Variants in CTU1 observed in about 807,000 individuals in gnomAD.
The protein encoded by CTU1 is cytosolic thiouridylase subunit 1, also known as cytoplasmic tRNA 2-thiolation protein 1.
A neutral mutation model predicts 12.9 loss-of-function variants in CTU1; 15 were observed. That is an observed-to-expected ratio of 1.16 (90% confidence interval 0.78 to 1.79). The LOEUF (loss-of-function observed/expected upper bound fraction) is 1.79. Among genes scored for constraint, CTU1 ranks in the 40% most tolerant of loss-of-function variants. The probability of loss-of-function intolerance (pLI) is 0.00; values close to 1 mark genes in which losing one functional copy is unlikely to be tolerated. For synonymous variants in CTU1, 295 were observed against 275.6 expected (o/e 1.07, Z -0.70); for missense variants, 553 against 550.5 (o/e 1.00, Z -0.05).
Position 51,098,975 on chromosome 19 carries a change from C to T in CTU1, c.673G>A (p.Ala225Thr). The change falls in exon 3 of 3, where the codon GCG becomes ACG. Residue 225 changes from alanine to threonine, a missense_variant. Transcript: ENST00000421832. The surrounding 1 kb of genome is among the most constrained non-coding windows in gnomAD (Gnocchi z 4.3). ...FASQKEVVLY[A>T]HFRRLDYFSE... Reference sequence around the variant, plus strand: ...AAGTAGTCGAGGCGGCGGAAGTGCGCGTACAGCACCACCTCCTTCTGCGAG... The same window carrying T: ...AAGTAGTCGAGGCGGCGGAAGTGCGTGTACAGCACCACCTCCTTCTGCGAG... The T allele has an allele frequency of 1.9e-6, 3 of 1,543,894 alleles. No homozygotes were observed. The highest frequency in any genetic ancestry group is 2.6e-6 in the Non-Finnish European group (3 of 1,151,026).
chr19:51,107,872 C>T (rs2091924264), intron 1 of CTU1, among the ~76,000 whole-genome samples: 1 of 152,210 alleles, frequency 6.6e-6, no homozygotes, highest in South Asian at 2.1e-4. Flanking sequence ...TGCCCTGATC[C>T]TGACTAGCTG....
At chr19:51,106,216 C>T (rs1481474648) in intron 1 of CTU1, among the ~76,000 whole-genome samples, 3 of 152,204 alleles carry the variant, frequency 2.0e-5, no homozygotes, top group Non-Finnish European at 4.4e-5. Flanking sequence ...TTTACTCTGA[C>T]ACCTGAGGAA....
At chr19:51,105,112 C>T (rs1443031133) in intron 1 of CTU1, among the ~76,000 whole-genome samples, 1 of 152,120 alleles carries the variant, frequency 6.6e-6, no homozygotes, top group African/African-American at 2.4e-5. Context: ...AGGTGGAAAA[C>T]AGGAAAGGCC....
chr19:51,098,792 C>A lies in CTU1; in HGVS notation c.856G>T (p.Ala286Ser), dbSNP rs1164087245. 1.9e-6 allele frequency: 2 copies of A among 1,045,862 alleles called. No individual in the cohort carries two copies. The highest frequency in any genetic ancestry group is 3.5e-5 in the African/African-American group (2 of 57,854). The allele number at this position is 1,045,862 out of a possible 1,614,324, so 64.8% of individuals were successfully genotyped here. The change falls in exon 3 of 3, where the codon GCC becomes TCC. Residue 286 changes from alanine to serine, a missense_variant. Ala to Ser is a moderately conservative substitution (Grantham distance 99). Coordinates refer to ENST00000421832, the MANE Select transcript of CTU1 (RefSeq NM_145232.4). The surrounding 1 kb of genome is among the most constrained non-coding windows in gnomAD (Gnocchi z 4.3). Reference protein sequence around the residue: ...APAARPPRPGACSRCGALASR... With the variant: ...APAARPPRPGSCSRCGALASR... Reference sequence around the variant, plus strand: ...GCCAGCGCCCCACAGCGGGAGCAGGCGCCGGGGCGCGGGGGCCGCGCGGCC... The same window carrying A: ...GCCAGCGCCCCACAGCGGGAGCAGGAGCCGGGGCGCGGGGGCCGCGCGGCC...
At chr19:51,105,928 C>G (rs1248212138) in intron 1 of CTU1, among the ~76,000 whole-genome samples, 1 of 152,224 alleles carries the variant, frequency 6.6e-6, no homozygotes, top group Non-Finnish European at 1.5e-5. Context: ...AGTTTCAAAA[C>G]AGCCAAACAC....
chr19:51,104,390 GC>G lies in CTU1; in HGVS notation c.179del (p.Gly60AlafsTer109). ...PGAVVAVGAS[G>X]GKDSTVLAHV... ...GCGCCAGCACCGTGGAGTCCTTGCC[GC>G]CCGAGGCGCCCACGGCCACCACCGC... is the stretch of plus-strand genomic sequence containing the variant. On this transcript the variant is annotated frameshift_variant, in exon 2 of 3. Transcript: ENST00000421832. LOFTEE classifies it high-confidence loss of function. 7.8e-7 allele frequency: 1 copy of G among 1,283,476 alleles called. No homozygotes were observed. The highest frequency in any genetic ancestry group is 9.9e-7 in the Non-Finnish European group (1 of 1,014,798). The allele number at this position is 1,283,476 out of a possible 1,614,324, so 79.5% of individuals were successfully genotyped here.
chr19:51,106,171 T>C (rs184144905), intron 1 of CTU1, among the ~76,000 whole-genome samples: 28 of 152,318 alleles, frequency 1.8e-4, no homozygotes, highest in African/African-American at 6.5e-4. Context: ...TGGCTCCTTG[T>C]TTCTCCAACC....
chr19:51,098,657 C>G lies in CTU1; in HGVS notation c.991G>C (p.Gly331Arg). The change falls in exon 3 of 3, where the codon GGG becomes CGG. Residue 331 changes from glycine to arginine, a missense_variant. Physicochemically the swap from Gly to Arg is moderately radical, Grantham distance 125 (BLOSUM62 -2). This residue lies in a region of CTU1 where 53 missense variants were observed against 92.0 expected (regional missense o/e 0.58). Transcript: ENST00000421832. The surrounding 1 kb of genome is among the most constrained non-coding windows in gnomAD (Gnocchi z 4.3). The stretch of plus-strand genomic sequence containing the variant: ...GGCCGGGCCGGATCCCCGGGCGTCC[C>G]CGGCGTCGCCTCCTCGTCCAGACCC... Reference protein sequence around the residue: ...RRGLDEEATPGTPGDPARPPA... With the variant: ...RRGLDEEATPRTPGDPARPPA... 1.5e-6 allele frequency: 2 copies of G among 1,309,728 alleles called. No individual in the cohort carries two copies. Among genetic ancestry groups the G allele is most frequent in the African/African-American group, 3.1e-5 (2 of 64,742 alleles). The allele number at this position is 1,309,728 out of a possible 1,614,324, so 81.1% of individuals were successfully genotyped here. A position where few individuals can be genotyped will look rare whatever the true frequency, so the allele number is the denominator to read the frequency against.
intron 1 of CTU1, among the ~76,000 whole-genome samples, chr19:51,105,284 T>C (rs574456509): frequency 1.3e-5 from 2 of 152,192 alleles, no homozygotes; most frequent in South Asian, 4.2e-4. Flanking sequence ...GGTGAGAAAA[T>C]GGGTGGGCCT....
intron 2 of CTU1, among the ~76,000 whole-genome samples, chr19:51,099,470 G>A (rs979539332): frequency 3.3e-5 from 5 of 152,092 alleles, no homozygotes; most frequent in African/African-American, 1.2e-4. Flanking sequence ...GAGACCCTCC[G>A]GGAACCGTGA....
chr19:51,107,784 G>C (rs1024666841), intron 1 of CTU1, among the ~76,000 whole-genome samples: 4 of 152,170 alleles, frequency 2.6e-5, no homozygotes, highest in Admixed American at 6.5e-5. Context: ...GGTTTGACAT[G>C]CATGTTAAGC....
chr19:51,107,647 G>GT (rs1352817263), intron 1 of CTU1, among the ~76,000 whole-genome samples: 2 of 152,142 alleles, frequency 1.3e-5, no homozygotes, highest in Non-Finnish European at 2.9e-5. Context: ...ACTGATTGGA[G>GT]TGGGGACTGG....
At position 51,104,193 on chromosome 19, in the gene CTU1, G is replaced by C. The variant is rs761158055; in HGVS notation, c.377C>G (p.Thr126Arg). The C allele has an allele frequency of 2.0e-6, 3 of 1,522,650 alleles. No individual in the cohort carries two copies. The highest frequency in any genetic ancestry group is 2.4e-5 in the South Asian group (2 of 82,528). 94.3% of individuals were successfully genotyped at this position (1,522,650 alleles called of 1,614,324 possible). A position where few individuals can be genotyped will look rare whatever the true frequency, so the allele number is the denominator to read the frequency against. Reference sequence around the variant, plus strand: ...TGTGCTGCGGGCCACGGCGTCCATCGTCCAGCCCCCAAAGAGGTCTTCGTA... The same window carrying C: ...TGTGCTGCGGGCCACGGCGTCCATCCTCCAGCCCCCAAAGAGGTCTTCGTA... ...VAYEDLFGGWTMDAVARSTAG... is the reference protein window; with the variant it reads ...VAYEDLFGGWRMDAVARSTAG... The change falls in exon 2 of 3, where the codon ACG becomes AGG. Residue 126 changes from threonine (T) to arginine (R), a missense_variant. Transcript: ENST00000421832.
At position 51,104,054 on chromosome 19, in the gene CTU1, A is replaced by ACGCACAT; in HGVS notation, c.508+7_508+8insATGTGCG. On this transcript the variant is annotated splice_region_variant and intron_variant, in intron 2 of 2. Transcript: ENST00000421832. ...AGAGTGCCGCTCTGCGGCCCGTACT[A>ACGCACAT]CGCTCACCTGTCACGATGTGCGTGG... 1 of 1,446,626 alleles carries ACGCACAT rather than the reference A, an allele frequency of 6.9e-7. No homozygotes were observed. The highest frequency in any genetic ancestry group is 9.0e-7 in the Non-Finnish European group (1 of 1,112,626). The allele number at this position is 1,446,626 out of a possible 1,614,324, so 89.6% of individuals were successfully genotyped here. A position where few individuals can be genotyped will look rare whatever the true frequency, so the allele number is the denominator to read the frequency against.
rs1337681295 is a variant in CTU1, at chr19:51,098,942, C to T, written c.706G>A (p.Glu236Lys). The T allele has an allele frequency of 9.7e-6, 15 of 1,542,270 alleles. No individual in the cohort carries two copies. The highest frequency in any genetic ancestry group is 1.4e-5 in the African/African-American group (1 of 71,066). The change falls in exon 3 of 3, where the codon GAG becomes AAG. Residue 236 changes from glutamate to lysine, a missense_variant. By Grantham distance (56) the Glu-to-Lys change is moderately conservative. Transcript: ENST00000421832. This position sits in a 1 kb window ranked among gnomAD's most constrained non-coding sequence, Gnocchi z 4.3. ...AAGGCCTCGGGCGCGTAGACGCACTCCTCGGAGAAGTAGTCGAGGCGGCGG... is the reference window on the plus strand; with the variant it reads ...AAGGCCTCGGGCGCGTAGACGCACTTCTCGGAGAAGTAGTCGAGGCGGCGG... Reference protein sequence around the residue: ...HFRRLDYFSEECVYAPEAFRG... With the variant: ...HFRRLDYFSEKCVYAPEAFRG...
chr19:51,098,789 A>G lies in CTU1; in HGVS notation c.859T>C (p.Cys287Arg). The change falls in exon 3 of 3, where the codon TGC becomes CGC. Residue 287 changes from cysteine to arginine, a missense_variant. By Grantham distance (180) the Cys-to-Arg change is radical. Coordinates refer to ENST00000421832, the MANE Select transcript of CTU1 (RefSeq NM_145232.4). The surrounding 1 kb of genome is among the most constrained non-coding windows in gnomAD (Gnocchi z 4.3). ...CTGGCCAGCGCCCCACAGCGGGAGC[A>G]GGCGCCGGGGCGCGGGGGCCGCGCG... ...PAARPPRPGA[C>R]SRCGALASRA... The G allele has an allele frequency of 9.5e-7, 1 of 1,056,704 alleles. No homozygotes were observed. The highest frequency in any genetic ancestry group is 1.1e-6 in the Non-Finnish European group (1 of 876,542). 65.5% of individuals were successfully genotyped at this position (1,056,704 alleles called of 1,614,324 possible). A position where few individuals can be genotyped will look rare whatever the true frequency, so the allele number is the denominator to read the frequency against.
rs1176576085 is a variant in CTU1, at chr19:51,108,143, C to T, written c.-22+204G>A. 6.6e-6 allele frequency among the ~76,000 whole-genome samples: 1 copy of T among 152,054 alleles called. No individual in the cohort carries two copies. Among genetic ancestry groups the T allele is most frequent in the African/African-American group, 2.4e-5 (1 of 41,390 alleles). On this transcript the variant is annotated intron_variant, in intron 1 of 2. Transcript: ENST00000421832. The surrounding 1 kb of genome is among the most constrained non-coding windows in gnomAD (Gnocchi z 4.5). The stretch of plus-strand genomic sequence containing the variant: ...GGCGGGGGCAAGCAGATGGTCTTAT[C>T]CTGTCTTGGGGAAGGGAGTGGCCCG...
At chr19:51,104,654 G>C in intron 1 of CTU1, 64 bp from the exon 2 acceptor site, 2 of 1,152,778 alleles carry the variant, frequency 1.7e-6, no homozygotes, top group Non-Finnish European at 1.1e-6. Flanking sequence ...CCCTGCCATC[G>C]GGGAGATTGT....
At chr19:51,105,801 C>T (rs1238359358) in intron 1 of CTU1, among the ~76,000 whole-genome samples, 1 of 152,212 alleles carries the variant, frequency 6.6e-6, no homozygotes, top group African/African-American at 2.4e-5. Context: ...CTGGACTGCT[C>T]TTTCTCTCAC....
Sources: allele counts gnomAD v4.1 joint callset (sites outside exome capture counted in the v4.1 genomes callset), GRCh38; gene constraint gnomAD v4.1.1; regional missense constraint gnomAD v4.1.1; non-coding constraint Gnocchi (gnomAD v3.1); transcripts MANE v1.5; gene names NCBI Gene and HGNC (gene_info 2026-07-23, HGNC 2026-07-21).